Variants in ADAMTS19 observed in about 807,000 individuals in gnomAD.
ADAMTS19 encodes the protein ADAM metallopeptidase with thrombospondin type 1 motif 19, also known as A disintegrin and metalloproteinase with thrombospondin motifs 19.
Under a neutral mutation model 153.3 loss-of-function variants are expected in ADAMTS19, and 93 were observed. The ratio of observed to expected loss-of-function variants is 0.61; its 90% confidence interval spans 0.51 to 0.72. ADAMTS19 has a LOEUF of 0.72. ADAMTS19 is among the 30% of genes least tolerant of loss of function. The pLI is 0.00. For missense variants in ADAMTS19, 1,482 were observed against 1,552.1 expected (o/e 0.95, Z 0.76); for synonymous variants, 600 against 556.6 (o/e 1.08, Z -1.10).
At position 129,474,802 on chromosome 5, in the gene ADAMTS19, CAT is replaced by C. The variant is rs986362273; in HGVS notation, c.747+13046_747+13047del. Among the ~76,000 whole-genome samples the C allele has an allele frequency of 1.1e-3, 160 of 152,210 alleles. 2 individuals carry two copies. Among genetic ancestry groups the C allele is most frequent in the African/African-American group, 3.8e-3 (156 of 41,542 alleles). On this transcript the variant is annotated intron_variant, in intron 2 of 22. Coordinates refer to ENST00000274487, the MANE Select transcript of ADAMTS19 (RefSeq NM_133638.6). The stretch of plus-strand genomic sequence containing the variant: ...CATTTGTGGATGTGCAGCGGTATCT[CAT>C]GTGGTTTTAATTCTGTTTTCCTAGT...
At chr5:129,566,457 C>A (rs1282043425) in intron 7 of ADAMTS19, among the ~76,000 whole-genome samples, 2 of 152,108 alleles carry the variant, frequency 1.3e-5, no homozygotes, top group Non-Finnish European at 2.9e-5. Context: ...AATGGAACAC[C>A]TGTTTGAGGA....
Position 129,696,681 on chromosome 5 carries a change from C to T in ADAMTS19, c.2954+1826C>T, listed in dbSNP as rs369770181. 1.2e-4 allele frequency among the ~76,000 whole-genome samples: 18 copies of T among 152,216 alleles called. No individual in the cohort carries two copies. The East Asian group carries it at 3.3e-3, about 28-fold the overall frequency. On this transcript the variant is annotated intron_variant, in intron 19 of 22. Coordinates refer to ENST00000274487, the MANE Select transcript of ADAMTS19 (RefSeq NM_133638.6). ...AAGATGTCAGTCAATAAATGTGAGGCATAACTTGGTTTGGTCTAACTCAAA... is the reference window on the plus strand; with the variant it reads ...AAGATGTCAGTCAATAAATGTGAGGTATAACTTGGTTTGGTCTAACTCAAA...
intron 2 of ADAMTS19, among the ~76,000 whole-genome samples, chr5:129,506,515 A>G (rs890458060): frequency 2.0e-5 from 3 of 151,986 alleles, no homozygotes; most frequent in African/African-American, 7.2e-5. Flanking sequence ...TACGTGTGCC[A>G]TGTTGGTGTC....
At chr5:129,698,061 G>C (rs181944866) in intron 19 of ADAMTS19, among the ~76,000 whole-genome samples, 11 of 152,228 alleles carry the variant, frequency 7.2e-5, no homozygotes, top group Admixed American at 4.6e-4. Flanking sequence ...CAACTATCTT[G>C]GAGAAAAACG....
intron 2 of ADAMTS19, among the ~76,000 whole-genome samples, chr5:129,490,977 T>C (rs976285795): frequency 2.6e-5 from 4 of 151,898 alleles, no homozygotes; most frequent in African/African-American, 7.3e-5. Context: ...TATATTGTTG[T>C]TAGAGATAAT....
intron 6 of ADAMTS19, among the ~76,000 whole-genome samples, chr5:129,531,152 A>C (rs1752189599): frequency 6.6e-6 from 1 of 152,208 alleles, no homozygotes; most frequent in African/African-American, 2.4e-5. Flanking sequence ...AATAAAGATT[A>C]ATTCATTGGA....
chr5:129,732,211 C>T (rs1201636572), intron 21 of ADAMTS19, among the ~76,000 whole-genome samples: 2 of 152,042 alleles, frequency 1.3e-5, no homozygotes, highest in African/African-American at 4.8e-5. Context: ...ATATGACATA[C>T]CCACAGCCAA....
At chr5:129,732,063 G>A (rs1459507607) in intron 21 of ADAMTS19, among the ~76,000 whole-genome samples, 3 of 152,072 alleles carry the variant, frequency 2.0e-5, no homozygotes. Context: ...AGTGATATAT[G>A]TATGAAACCA....
At chr5:129,631,005 C>A (rs925264511) in intron 10 of ADAMTS19, among the ~76,000 whole-genome samples, 4 of 151,738 alleles carry the variant, frequency 2.6e-5, no homozygotes, top group African/African-American at 9.7e-5. Context: ...TCAAGAAATG[C>A]AAATTAAAAC....
chr5:129,626,502 C>T (rs1752056410), intron 10 of ADAMTS19, among the ~76,000 whole-genome samples: 1 of 151,974 alleles, frequency 6.6e-6, no homozygotes, highest in Non-Finnish European at 1.5e-5. Context: ...TGTTTTAAAA[C>T]TACACATTGT....
chr5:129,467,268 T>C (rs370926113), intron 2 of ADAMTS19, among the ~76,000 whole-genome samples: 1 of 152,146 alleles, frequency 6.6e-6, no homozygotes, highest in Non-Finnish European at 1.5e-5. Flanking sequence ...GTGTGGCGTA[T>C]TAAGTCAGCG....
chr5:129,584,015 C>T (rs907801760), intron 7 of ADAMTS19, among the ~76,000 whole-genome samples: 4 of 152,044 alleles, frequency 2.6e-5, no homozygotes, highest in Admixed American at 2.6e-4. Context: ...AATTTTCAGC[C>T]TTTTTGCGCT....
Position 129,684,149 on chromosome 5 carries a change from T to C in ADAMTS19, c.2694T>C (p.Gly898=). 6.2e-7 allele frequency: 1 copy of C among 1,614,078 alleles called. No homozygotes were observed. Among genetic ancestry groups the C allele is most frequent in the Non-Finnish European group, 8.5e-7 (1 of 1,179,992 alleles). The part of the protein sequence containing the change: ...LVLLFQDQNY[G]LHYEYTIPSD... Reference sequence around the variant, plus strand: ...TCCTGTTTCAGGATCAGAATTATGGTCTTCACTATGAATACACTATCCCAT... The same window carrying C: ...TCCTGTTTCAGGATCAGAATTATGGCCTTCACTATGAATACACTATCCCAT... Residue 898 remains glycine (G), a synonymous_variant, in exon 18 of 23, where the codon GGT becomes GGC. Transcript: ENST00000274487.
chr5:129,683,087 ATAT>A (rs1754896964), intron 17 of ADAMTS19, among the ~76,000 whole-genome samples: 4 of 152,016 alleles, frequency 2.6e-5, no homozygotes. Context: ...TTAATGTATC[ATAT>A]TATATTATAT....
chr5:129,677,172 G>C (rs1255690524), intron 16 of ADAMTS19, among the ~76,000 whole-genome samples: 1 of 152,142 alleles, frequency 6.6e-6, no homozygotes, highest in Non-Finnish European at 1.5e-5. Context: ...TAAAATAATA[G>C]ATCTTTAAGA....
intron 7 of ADAMTS19, among the ~76,000 whole-genome samples, chr5:129,575,415 A>T (rs1166787418): frequency 6.6e-6 from 1 of 152,086 alleles, no homozygotes; most frequent in Non-Finnish European, 1.5e-5. Context: ...CAATCAGAAC[A>T]CTTTTAAATT....
rs1757733537 is a variant in ADAMTS19, at chr5:129,737,771, A to T, written c.*553A>T. The stretch of plus-strand genomic sequence containing the variant: ...CAGATTTATAGACATCCATAGGAAA[A>T]ATTCTGCTGTAATTATAACCTTATT... On this transcript the variant is annotated 3_prime_UTR_variant, in exon 23 of 23. Coordinates refer to ENST00000274487, the MANE Select transcript of ADAMTS19 (RefSeq NM_133638.6). The T allele has an allele frequency of 6.6e-6, 1 of 152,476 alleles. No homozygotes were observed. Among genetic ancestry groups the T allele is most frequent in the Non-Finnish European group, 1.5e-5 (1 of 67,988 alleles). The allele number at this position is 152,476 out of a possible 1,614,324, so 9.4% of individuals were successfully genotyped here. A position where few individuals can be genotyped will look rare whatever the true frequency, so the allele number is the denominator to read the frequency against.
At chr5:129,547,555 A>G (rs1307800110) in intron 6 of ADAMTS19, among the ~76,000 whole-genome samples, 1 of 150,730 alleles carries the variant, frequency 6.6e-6, no homozygotes, top group Non-Finnish European at 1.5e-5. Context: ...TGAAAAATAA[A>G]AGGAAGAAAG....
chr5:129,465,301 A>G (rs1749815288), intron 2 of ADAMTS19, among the ~76,000 whole-genome samples: 1 of 148,562 alleles, frequency 6.7e-6, no homozygotes, highest in Non-Finnish European at 1.5e-5. Context: ...CAAAGTTAAC[A>G]CAATGTTTTT....
Sources: gnomAD v4.1 joint callset for allele counts (sites outside exome capture counted in the v4.1 genomes callset) on GRCh38, gnomAD v4.1.1 for gene constraint, MANE v1.5 for transcripts, NCBI Gene and HGNC (gene_info 2026-07-23, HGNC 2026-07-21) for gene names.